The following UNC5D variants were observed in gnomAD, a reference collection of about 807,000 sequenced individuals.
The protein encoded by UNC5D is unc-5 netrin receptor D.
In UNC5D, 39 loss-of-function variants were observed where a neutral mutation model predicts 105.4. The ratio of observed to expected loss-of-function variants is 0.37; its 90% confidence interval spans 0.29 to 0.48. The LOEUF is 0.48. UNC5D is among the 20% of genes least tolerant of loss of function. The pLI is 0.98. For synonymous variants in UNC5D, 452 were observed against 450.4 expected (o/e 1.00, Z -0.04); for missense variants, 991 against 1,202.4 (o/e 0.82, Z 2.60).
chr8:35,363,053 G>A (rs1801936510), intron 1 of UNC5D, among the ~76,000 whole-genome samples: 1 of 152,066 alleles, frequency 6.6e-6, no homozygotes, highest in Non-Finnish European at 1.5e-5. Context: ...CTCCAATTTG[G>A]AACAGTTTCT....
At chr8:35,569,404 A>G (rs1187589958) in intron 3 of UNC5D, among the ~76,000 whole-genome samples, 2 of 152,196 alleles carry the variant, frequency 1.3e-5, no homozygotes, top group African/African-American at 2.4e-5. Flanking sequence ...ACTGCAGCAG[A>G]TGTTGATGGT....
intron 14 of UNC5D, among the ~76,000 whole-genome samples, chr8:35,764,762 C>T (rs1192002586): frequency 6.6e-6 from 1 of 152,214 alleles, no homozygotes; most frequent in African/African-American, 2.4e-5. Flanking sequence ...GAAAAGCACA[C>T]TTAGTGATCA....
At chr8:35,790,288 A>T in intron 16 of UNC5D, 71 bp from the exon 17 acceptor site, 2 of 1,473,566 alleles carry the variant, frequency 1.4e-6, no homozygotes, top group Non-Finnish European at 1.9e-6. Flanking sequence ...TAATTCTCTT[A>T]TGGTGATCAG....
At chr8:35,285,824 A>T (rs1806555166) in intron 1 of UNC5D, among the ~76,000 whole-genome samples, 1 of 152,180 alleles carries the variant, frequency 6.6e-6, no homozygotes, top group Admixed American at 6.5e-5. Flanking sequence ...GGCTATCAAC[A>T]TTATAAGCAG....
intron 1 of UNC5D, among the ~76,000 whole-genome samples, chr8:35,492,789 T>G (rs2053342): frequency 0.17 from 26,109 of 151,896 alleles, 3,032 homozygotes; most frequent in African/African-American, 0.3. Flanking sequence ...GTCTGTAAAT[T>G]GTTCTCTTAG....
chr8:35,774,567 C>T, intron 16 of UNC5D, 90 bp downstream of exon 16: 1 of 1,482,926 alleles, frequency 6.7e-7, no homozygotes, highest in East Asian at 2.4e-5. Context: ...TTTCTGAGCC[C>T]TAATATTTTT....
At chr8:35,428,559 T>TA (rs1806410104) in intron 1 of UNC5D, among the ~76,000 whole-genome samples, 1 of 151,856 alleles carries the variant, frequency 6.6e-6, no homozygotes, top group South Asian at 2.1e-4. Context: ...AAGACACACT[T>TA]TTCTTCTGTG....
chr8:35,247,534 A>ATG (rs1223869110), intron 1 of UNC5D, among the ~76,000 whole-genome samples: 1 of 123,552 alleles, frequency 8.1e-6, no homozygotes, highest in Non-Finnish European at 1.6e-5. Flanking sequence ...ATATATATAT[A>ATG]TGTATAAAAT....
At chr8:35,263,410 A>AT (rs200032396) in intron 1 of UNC5D, among the ~76,000 whole-genome samples, 222 of 149,172 alleles carry the variant, frequency 1.5e-3, no homozygotes, top group African/African-American at 4.2e-3. Flanking sequence ...AATTAAAAGC[A>AT]TTTTTTTTTT....
At chr8:35,398,254 C>T (rs1804224264) in intron 1 of UNC5D, among the ~76,000 whole-genome samples, 1 of 152,148 alleles carries the variant, frequency 6.6e-6, no homozygotes, top group South Asian at 2.1e-4. Context: ...TAGGTCCTTC[C>T]CTTGCTGGGG....
chr8:35,268,343 T>G (rs547857898), intron 1 of UNC5D, among the ~76,000 whole-genome samples: 1 of 152,216 alleles, frequency 6.6e-6, no homozygotes, highest in East Asian at 1.9e-4. Context: ...ACTTAATAAG[T>G]GCACCCAGAA....
intron 4 of UNC5D, among the ~76,000 whole-genome samples, chr8:35,640,133 A>G (rs1822625121): frequency 6.6e-6 from 1 of 152,102 alleles, no homozygotes. Context: ...TTTTTTAATG[A>G]AAGCAAAAAG....
At chr8:35,494,153 A>ATTTCTGT (rs1158231003) in intron 1 of UNC5D, among the ~76,000 whole-genome samples, 2 of 152,126 alleles carry the variant, frequency 1.3e-5, no homozygotes, top group African/African-American at 4.8e-5. Flanking sequence ...TAAACTCTAA[A>ATTTCTGT]GAAATATACA....
At chr8:35,770,935 T>C (rs1287340216) in intron 15 of UNC5D, among the ~76,000 whole-genome samples, 1 of 152,188 alleles carries the variant, frequency 6.6e-6, no homozygotes, top group Non-Finnish European at 1.5e-5. Context: ...AGCATGAAGA[T>C]CTACTGTTCC....
At chr8:35,563,035 G>A (rs10106901) in intron 2 of UNC5D, among the ~76,000 whole-genome samples, 34,425 of 151,478 alleles carry the variant, frequency 0.23, 6,048 homozygotes, top group African/African-American at 0.48. Flanking sequence ...CAGTTTTCCC[G>A]GAACCATTTA....
At chr8:35,570,800 AAG>A (rs1350898061) in intron 3 of UNC5D, among the ~76,000 whole-genome samples, 4 of 151,906 alleles carry the variant, frequency 2.6e-5, no homozygotes, top group African/African-American at 7.2e-5. Context: ...CTGAAAAAAA[AAG>A]AAAAAATTAG....
At chr8:35,768,092 C>G (rs2131716488) in intron 15 of UNC5D, among the ~76,000 whole-genome samples, 1 of 151,784 alleles carries the variant, frequency 6.6e-6, no homozygotes, top group Middle Eastern at 3.4e-3. Context: ...TATATACCTA[C>G]AATTCAATTT....
intron 1 of UNC5D, among the ~76,000 whole-genome samples, chr8:35,538,989 A>C (rs950335242): frequency 6.6e-6 from 1 of 152,196 alleles, no homozygotes; most frequent in Non-Finnish European, 1.5e-5. Context: ...AGATATGTGC[A>C]GAATTATAGT....
At chr8:35,635,008 C>T (rs1182368981) in intron 4 of UNC5D, among the ~76,000 whole-genome samples, 1 of 152,090 alleles carries the variant, frequency 6.6e-6, no homozygotes, top group African/African-American at 2.4e-5. Context: ...TCAGGCGATC[C>T]ACCCGCCTTG....
Sources: allele counts gnomAD v4.1 joint callset (sites outside exome capture counted in the v4.1 genomes callset), GRCh38; gene constraint gnomAD v4.1.1; transcripts MANE v1.5; gene names NCBI Gene and HGNC (gene_info 2026-07-23, HGNC 2026-07-21).